GLRA3: variants seen among roughly 807,000 people sequenced by gnomAD.
The protein encoded by GLRA3 is glycine receptor alpha 3.
GLRA3 carries 44 observed loss-of-function variants against 60.4 expected under a neutral mutation model. The observed-to-expected ratio is 0.73, with a 90% CI of 0.57 to 0.94. The LOEUF (loss-of-function observed/expected upper bound fraction) is 0.94, where lower values mean the gene tolerates loss of function less well. Ranked by LOEUF, GLRA3 falls within the 40% of genes least tolerant of loss-of-function variation. The pLI, the probability that GLRA3 is intolerant of heterozygous loss-of-function variation, is 0.00. For synonymous variants in GLRA3, 223 were observed against 192.9 expected (o/e 1.16, Z -1.29); for missense variants, 508 against 564.6 (o/e 0.90, Z 1.02).
chr4:174,707,448 G>A (rs555101798), intron 5 of GLRA3, among the ~76,000 whole-genome samples: 1 of 152,250 alleles, frequency 6.6e-6, no homozygotes, highest in South Asian at 2.1e-4. Flanking sequence ...TCTGAGTCAA[G>A]ACTGTTTTGC....
rs529075386 is a variant in GLRA3 at position 174,701,810 on chromosome 4, G to T, written c.574+13678C>A. Among the ~76,000 whole-genome samples, 4 of 152,270 alleles carry T rather than the reference G, an allele frequency of 2.6e-5. No individual in the cohort carries two copies. The East Asian group carries it at 5.8e-4, about 22-fold the overall frequency. On this transcript the variant is annotated intron_variant, in intron 5 of 9. Coordinates refer to ENST00000274093, the MANE Select transcript of GLRA3 (RefSeq NM_006529.4). ...TGCAGATGTGGCAGAAACAGCAAGA[G>T]AACTAAAATTAGAAGAGGAGCCTCA... is the stretch of plus-strand genomic sequence containing the variant.
At chr4:174,797,090 G>T (rs1739601727) in intron 1 of GLRA3, among the ~76,000 whole-genome samples, 1 of 152,016 alleles carries the variant, frequency 6.6e-6, no homozygotes, top group Non-Finnish European at 1.5e-5. Flanking sequence ...CACATCATTT[G>T]TACACACATA....
At chr4:174,767,136 AC>A (rs1310387014) in intron 2 of GLRA3, 106 bp from the exon 3 acceptor site, 43 of 572,240 alleles carry the variant, frequency 7.5e-5, no homozygotes, top group African/African-American at 7.3e-4. Context: ...ACACACACAC[AC>A]ACACACACAC....
intron 3 of GLRA3, among the ~76,000 whole-genome samples, chr4:174,742,505 T>G (rs1737066101): frequency 6.6e-6 from 1 of 152,130 alleles, no homozygotes; most frequent in Non-Finnish European, 1.5e-5. Flanking sequence ...CTGAATCAAA[T>G]AGCCACTGGG....
At chr4:174,823,243 C>CA (rs557318332) in intron 1 of GLRA3, among the ~76,000 whole-genome samples, 70 of 66,964 alleles carry the variant, frequency 1.0e-3, no homozygotes, top group Non-Finnish European at 1.6e-3. Context: ...AACTAAAACT[C>CA]AAAAAAAAAA....
At chr4:174,644,464 C>T (rs1289228735) in intron 9 of GLRA3, among the ~76,000 whole-genome samples, 1 of 150,788 alleles carries the variant, frequency 6.6e-6, no homozygotes, top group Non-Finnish European at 1.5e-5. Context: ...GGGGAACATA[C>T]CAGGATCATT....
chr4:174,720,998 G>C (rs1427624732), intron 4 of GLRA3, among the ~76,000 whole-genome samples: 1 of 140,666 alleles, frequency 7.1e-6, no homozygotes, highest in East Asian at 2.1e-4. Flanking sequence ...TTATAGAACT[G>C]TGTGAACTTT....
At chr4:174,676,751 T>G (rs1416722393) in intron 7 of GLRA3, among the ~76,000 whole-genome samples, 1 of 152,106 alleles carries the variant, frequency 6.6e-6, no homozygotes, top group East Asian at 1.9e-4. Context: ...AAAATTACCA[T>G]GTAGATTCAA....
At chr4:174,796,305 G>T (rs564141725) in intron 1 of GLRA3, among the ~76,000 whole-genome samples, 19 of 152,232 alleles carry the variant, frequency 1.2e-4, no homozygotes, top group Admixed American at 1.0e-3. Context: ...AGAACCAGGA[G>T]AAATAAATTG....
intron 1 of GLRA3, among the ~76,000 whole-genome samples, chr4:174,799,850 G>T (rs1285487511): frequency 6.6e-6 from 1 of 151,814 alleles, no homozygotes; most frequent in African/African-American, 2.4e-5. Flanking sequence ...ATATAAATAA[G>T]CAGGAAAAAA....
At chr4:174,767,927 T>G (rs560156082) in intron 2 of GLRA3, among the ~76,000 whole-genome samples, 1 of 149,080 alleles carries the variant, frequency 6.7e-6, no homozygotes, top group East Asian at 1.9e-4. Flanking sequence ...ATAATTTTTG[T>G]TCAGGCTCTT....
Position 174,802,637 on chromosome 4 carries a change from G to A in GLRA3, c.72-13694C>T, listed in dbSNP as rs183785465. Among the ~76,000 whole-genome samples the A allele has an allele frequency of 5.7e-4, 86 of 152,034 alleles. No individual in the cohort carries two copies. In the South Asian group the frequency reaches 0.011, roughly 19 times the overall value. On this transcript the variant is annotated intron_variant, in intron 1 of 9. Coordinates refer to ENST00000274093, the MANE Select transcript of GLRA3 (RefSeq NM_006529.4). Reference sequence around the variant, plus strand: ...AAGACTTTCTTTCCTGGCAATACTCGTTGTCTCAGTGATTGGCTTTCTGTG... The same window carrying A: ...AAGACTTTCTTTCCTGGCAATACTCATTGTCTCAGTGATTGGCTTTCTGTG...
intron 3 of GLRA3, among the ~76,000 whole-genome samples, chr4:174,750,440 G>A (rs891560614): frequency 3.9e-5 from 6 of 152,074 alleles, no homozygotes; most frequent in African/African-American, 9.7e-5. Context: ...AAGAGACATA[G>A]AAACGGATTT....
intron 3 of GLRA3, among the ~76,000 whole-genome samples, chr4:174,750,061 T>G (rs1048791532): frequency 2.0e-5 from 3 of 152,092 alleles, no homozygotes; most frequent in Non-Finnish European, 1.5e-5. Flanking sequence ...ATCACTGCCC[T>G]CATGGAGTAG....
intron 2 of GLRA3, among the ~76,000 whole-genome samples, chr4:174,768,946 G>A (rs1389931890): frequency 2.6e-5 from 4 of 152,006 alleles, no homozygotes; most frequent in East Asian, 1.9e-4. Flanking sequence ...TAAGTTAGTC[G>A]GAGAACACCA....
At chr4:174,690,000 G>A (rs749206804) in intron 5 of GLRA3, among the ~76,000 whole-genome samples, 1 of 151,954 alleles carries the variant, frequency 6.6e-6, no homozygotes, top group African/African-American at 2.4e-5. Context: ...TATGCACAAC[G>A]GAATACTATT....
At chr4:174,807,229 T>C (rs1487333480) in intron 1 of GLRA3, among the ~76,000 whole-genome samples, 5 of 152,052 alleles carry the variant, frequency 3.3e-5, no homozygotes, top group African/African-American at 4.8e-5. Flanking sequence ...TCTTATACCA[T>C]GAAAATAACT....
At chr4:174,653,679 C>G (rs1468767752) in intron 9 of GLRA3, among the ~76,000 whole-genome samples, 1 of 151,934 alleles carries the variant, frequency 6.6e-6, no homozygotes, top group Non-Finnish European at 1.5e-5. Flanking sequence ...ATATCTATAT[C>G]TAGCATAATA....
chr4:174,644,160 T>C, intron 9 of GLRA3, 96 bp from the exon 10 acceptor site: 1 of 718,136 alleles, frequency 1.4e-6, no homozygotes, highest in South Asian at 1.9e-5. Context: ...ATGGTTAATA[T>C]TTACATTAAT....
Sources: gnomAD v4.1 joint callset for allele counts (sites outside exome capture counted in the v4.1 genomes callset) on GRCh38, gnomAD v4.1.1 for gene constraint, MANE v1.5 for transcripts, NCBI Gene and HGNC (gene_info 2026-07-23, HGNC 2026-07-21) for gene names.